The following ATP8A2 variants were observed in gnomAD, a reference collection of about 807,000 sequenced individuals.
The protein encoded by ATP8A2 is phospholipid-transporting ATPase IB.
In ATP8A2, 100 loss-of-function variants were observed where a neutral mutation model predicts 165.6. The observed-to-expected ratio is 0.60, with a 90% CI of 0.51 to 0.71. ATP8A2 has a LOEUF of 0.71. Among genes scored for constraint, ATP8A2 ranks in the 30% least tolerant of loss-of-function variants. The pLI is 0.00. For missense variants in ATP8A2, 1,227 were observed against 1,479.5 expected (o/e 0.83, Z 2.80); for synonymous variants, 543 against 548.8 (o/e 0.99, Z 0.15).
At chr13:25,937,347 T>G (rs1474066700) in intron 33 of ATP8A2, among the ~76,000 whole-genome samples, 2 of 137,918 alleles carry the variant, frequency 1.5e-5, no homozygotes, top group Non-Finnish European at 3.1e-5. Context: ...TGCTTTGTCT[T>G]TCTATTCTTT....
At chr13:25,787,158 G>C (rs2045050419) in intron 27 of ATP8A2, among the ~76,000 whole-genome samples, 1 of 152,190 alleles carries the variant, frequency 6.6e-6, no homozygotes. Context: ...ACTACACCCA[G>C]ATAAGAACAG....
At chr13:25,849,833 T>G (rs1163446615) in intron 30 of ATP8A2, among the ~76,000 whole-genome samples, 5 of 152,232 alleles carry the variant, frequency 3.3e-5, no homozygotes, top group Non-Finnish European at 7.3e-5. Flanking sequence ...GAATTGTCTC[T>G]AAGAGAGCAT....
intron 27 of ATP8A2, among the ~76,000 whole-genome samples, chr13:25,806,992 A>G (rs1950754690): frequency 6.6e-6 from 1 of 152,122 alleles, no homozygotes; most frequent in East Asian, 1.9e-4. Flanking sequence ...AGCAATGTCT[A>G]TTCAGATTCT....
chr13:25,622,955 G>T (rs746540080), intron 24 of ATP8A2, among the ~76,000 whole-genome samples: 14 of 152,266 alleles, frequency 9.2e-5, no homozygotes, highest in Middle Eastern at 3.4e-3. Flanking sequence ...TTTAGAATTG[G>T]TGTTTAAGTC....
At chr13:25,740,499 C>G (rs746131055) in intron 25 of ATP8A2, among the ~76,000 whole-genome samples, 2 of 151,894 alleles carry the variant, frequency 1.3e-5, no homozygotes, top group African/African-American at 4.8e-5. Context: ...AATGTCTGAA[C>G]TGAGACAATG....
At chr13:25,449,278 C>G (rs2035150309) in intron 1 of ATP8A2, among the ~76,000 whole-genome samples, 1 of 152,154 alleles carries the variant, frequency 6.6e-6, no homozygotes, top group African/African-American at 2.4e-5. Context: ...TTATATCACA[C>G]AAATTTTGAT....
At chr13:25,832,264 C>G (rs1234514949) in intron 28 of ATP8A2, among the ~76,000 whole-genome samples, 1 of 152,066 alleles carries the variant, frequency 6.6e-6, no homozygotes, top group African/African-American at 2.4e-5. Context: ...TAGAATGAGA[C>G]TAAAAATACC....
chr13:25,812,568 A>G (rs978721243), intron 27 of ATP8A2, among the ~76,000 whole-genome samples: 13 of 8,314 alleles, frequency 1.6e-3, no homozygotes, highest in African/African-American at 4.3e-3. Flanking sequence ...TGAACTATTA[A>G]TAGATTTCTC....
intron 27 of ATP8A2, among the ~76,000 whole-genome samples, chr13:25,821,580 A>G (rs1006178209): frequency 5.9e-5 from 9 of 152,240 alleles, no homozygotes; most frequent in Non-Finnish European, 8.8e-5. Context: ...GCTTCATGCA[A>G]CCAGCCACAT....
At chr13:25,409,764 G>A (rs2033911694) in intron 1 of ATP8A2, among the ~76,000 whole-genome samples, 1 of 152,028 alleles carries the variant, frequency 6.6e-6, no homozygotes, top group Non-Finnish European at 1.5e-5. Context: ...ACCTAATTTT[G>A]TACTGCAATG....
chr13:25,971,941 C>T (rs539850512), intron 35 of ATP8A2, among the ~76,000 whole-genome samples: 8 of 152,284 alleles, frequency 5.3e-5, no homozygotes, highest in Admixed American at 1.3e-4. Context: ...GCATCCCTAA[C>T]CCCAGGGGCT....
At chr13:25,930,871 CA>C (rs1954754584) in intron 33 of ATP8A2, among the ~76,000 whole-genome samples, 1 of 152,228 alleles carries the variant, frequency 6.6e-6, no homozygotes, top group Admixed American at 6.5e-5. Flanking sequence ...CCACATCCCC[CA>C]CATGGGAGGA....
intron 2 of ATP8A2, among the ~76,000 whole-genome samples, chr13:25,503,243 C>A (rs555364828): frequency 2.0e-5 from 3 of 152,080 alleles, no homozygotes; most frequent in South Asian, 4.1e-4. Context: ...GCATCGAGAC[C>A]GAGTCCAAGG....
At chr13:25,699,110 T>C in intron 24 of ATP8A2, 63 bp from the exon 25 acceptor site, 1 of 1,284,582 alleles carries the variant, frequency 7.8e-7, no homozygotes. Context: ...AATTTTGAAT[T>C]CTATTTTGTT....
At chr13:25,806,891 G>T (rs1490850625) in intron 27 of ATP8A2, among the ~76,000 whole-genome samples, 1 of 152,100 alleles carries the variant, frequency 6.6e-6, no homozygotes, top group Non-Finnish European at 1.5e-5. Flanking sequence ...GAAGTGGTAT[G>T]CCATTGTGGT....
chr13:25,839,116 C>T (rs957203008), intron 29 of ATP8A2, among the ~76,000 whole-genome samples: 2 of 152,048 alleles, frequency 1.3e-5, no homozygotes, highest in African/African-American at 4.8e-5. Flanking sequence ...TTAAGACATC[C>T]CATCTGCCCC....
intron 1 of ATP8A2, among the ~76,000 whole-genome samples, chr13:25,394,311 T>C (rs1341383202): frequency 6.6e-6 from 1 of 152,240 alleles, no homozygotes; most frequent in Non-Finnish European, 1.5e-5. Context: ...GGAAGTTGGA[T>C]TCAGGCAGGC....
At chr13:25,463,312 C>G (rs2035554497) in intron 1 of ATP8A2, among the ~76,000 whole-genome samples, 1 of 151,918 alleles carries the variant, frequency 6.6e-6, no homozygotes, top group Non-Finnish European at 1.5e-5. Context: ...TGCCCTTATG[C>G]TAACTCTTCT....
intron 27 of ATP8A2, among the ~76,000 whole-genome samples, chr13:25,781,772 G>T (rs1481188238): frequency 6.6e-6 from 1 of 152,108 alleles, no homozygotes; most frequent in East Asian, 1.9e-4. Flanking sequence ...GATTACTACA[G>T]GCGTGACCCC....
Sources: allele counts gnomAD v4.1 joint callset (sites outside exome capture counted in the v4.1 genomes callset), GRCh38; gene constraint gnomAD v4.1.1; transcripts MANE v1.5; gene names NCBI Gene and HGNC (gene_info 2026-07-23, HGNC 2026-07-21).